The following PECAM1 variants were observed in gnomAD, a reference collection of about 807,000 sequenced individuals.
PECAM1 encodes platelet and endothelial cell adhesion molecule 1.
A neutral mutation model predicts 13.8 loss-of-function variants in PECAM1; 8 were observed. The observed-to-expected ratio is 0.58, with a 90% CI of 0.34 to 1.05. PECAM1 has a LOEUF of 1.05. Ranked by LOEUF, PECAM1 falls within the 50% of genes least tolerant of loss-of-function variation. The pLI, the probability that PECAM1 is intolerant of heterozygous loss-of-function variation, is 0.03. For missense variants in PECAM1, 304 were observed against 141.2 expected (o/e 2.15, Z -5.84); for synonymous variants, 136 against 52.6 (o/e 2.58, Z -6.86).
chr17:64,324,061 A>G, intron 15 of PECAM1: 1 of 811,590 alleles, frequency 1.2e-6, no homozygotes, highest in Non-Finnish European at 2.1e-6. Flanking sequence ...AGAAGACAAC[A>G]TTTCACAGAT....
rs927279285 is a variant in PECAM1, at chr17:64,361,781, A to C, written c.1217-1366T>G. 4.7e-5 allele frequency among the ~76,000 whole-genome samples: 7 copies of C among 149,318 alleles called. No individual in the cohort carries two copies. The East Asian group carries it at 1.2e-3, about 25-fold the overall frequency. On this transcript the variant is annotated intron_variant, in intron 6 of 15. Coordinates refer to ENST00000563924, the MANE Select transcript of PECAM1 (RefSeq NM_000442.5). ...AAAAAAAAAAAAAAAAAAAAGATAA[A>C]AAAAGTCTTCTTAGTGCTTCAGCCT...
chr17:64,346,066 G>C (rs1042123616), intron 13 of PECAM1, among the ~76,000 whole-genome samples: 67 of 152,288 alleles, frequency 4.4e-4, no homozygotes, highest in African/African-American at 1.5e-3. Flanking sequence ...GCACGGCCTG[G>C]AAAACTGCAC....
intron 4 of PECAM1, among the ~76,000 whole-genome samples, chr17:64,371,500 C>T (rs950623888): frequency 6.6e-6 from 1 of 151,902 alleles, no homozygotes; most frequent in Non-Finnish European, 1.5e-5. Flanking sequence ...TGGTGAGACC[C>T]TCCATCTCAA....
chr17:64,346,182 G>A (rs1384341902), intron 13 of PECAM1, among the ~76,000 whole-genome samples: 8 of 152,062 alleles, frequency 5.3e-5, no homozygotes, highest in Non-Finnish European at 1.2e-4. Context: ...AATGATCCCA[G>A]GGAGCTTCCC....
chr17:64,331,203 T>C (rs1379668667), intron 14 of PECAM1, among the ~76,000 whole-genome samples: 1 of 151,186 alleles, frequency 6.6e-6, no homozygotes, highest in Admixed American at 6.6e-5. Flanking sequence ...CACCTTCTTT[T>C]TTTTTTTTTT....
In PECAM1 at chr17:64,322,224, A is replaced by C; in HGVS notation, c.*1592T>G. ...AACGTGGTGAAACCCCATCTCTACT[A>C]AAAATACAAAAATTAGCCAGGCGTG... On this transcript the variant is annotated 3_prime_UTR_variant, in exon 16 of 16. Coordinates refer to ENST00000563924, the MANE Select transcript of PECAM1 (RefSeq NM_000442.5). 2.4e-6 allele frequency: 1 copy of C among 420,020 alleles called. No homozygotes were observed. The highest frequency in any genetic ancestry group is 3.2e-6 in the Non-Finnish European group (1 of 311,394). The allele number at this position is 420,020 out of a possible 1,614,324, so 26.0% of individuals were successfully genotyped here.
chr17:64,384,853 C>T (rs1037351611), intron 2 of PECAM1, among the ~76,000 whole-genome samples: 1 of 152,214 alleles, frequency 6.6e-6, no homozygotes, highest in South Asian at 2.1e-4. Flanking sequence ...AAATATACCA[C>T]GCAACCAAAC....
At chr17:64,345,901 G>A (rs990556682) in intron 13 of PECAM1, among the ~76,000 whole-genome samples, 1 of 151,774 alleles carries the variant, frequency 6.6e-6, no homozygotes, top group African/African-American at 2.4e-5. Flanking sequence ...GCGGCTCTAC[G>A]GGGCATCCCT....
Position 64,321,340 on chromosome 17 carries a change from G to A in PECAM1, c.*2476C>T, listed in dbSNP as rs2034807600. Reference sequence around the variant, plus strand: ...CGGGGTTACGGCAGCTGCCGAGGAAGGCTAAAGCCAGCGTCCTGGATTCAG... The same window carrying A: ...CGGGGTTACGGCAGCTGCCGAGGAAAGCTAAAGCCAGCGTCCTGGATTCAG... On this transcript the variant is annotated 3_prime_UTR_variant, in exon 16 of 16. Coordinates refer to ENST00000563924, the MANE Select transcript of PECAM1 (RefSeq NM_000442.5). 5 of 775,128 alleles carry A rather than the reference G, an allele frequency of 6.5e-6. No individual in the cohort carries two copies. Among genetic ancestry groups the A allele is most frequent in the Non-Finnish European group, 7.8e-6 (5 of 637,988 alleles). 48.0% of individuals were successfully genotyped at this position (775,128 alleles called of 1,614,324 possible).
At chr17:64,327,323 CTCA>C (rs1567999829) in intron 15 of PECAM1, among the ~76,000 whole-genome samples, 1 of 152,220 alleles carries the variant, frequency 6.6e-6, no homozygotes, top group Non-Finnish European at 1.5e-5. Flanking sequence ...GTTGCAGTTG[CTCA>C]TTTCATCCTT....
chr17:64,340,604 T>C (rs944944960), intron 14 of PECAM1, among the ~76,000 whole-genome samples: 4 of 152,144 alleles, frequency 2.6e-5, no homozygotes, highest in Non-Finnish European at 4.4e-5. Flanking sequence ...ATACAGTTAT[T>C]ATACCCCCCC....
intron 14 of PECAM1, among the ~76,000 whole-genome samples, chr17:64,340,771 C>G (rs2035406662): frequency 6.6e-6 from 1 of 152,034 alleles, no homozygotes; most frequent in South Asian, 2.1e-4. Context: ...ATCCGCAAAC[C>G]CACACCCACT....
chr17:64,374,572 T>C (rs2036314944), intron 4 of PECAM1, among the ~76,000 whole-genome samples: 1 of 152,002 alleles, frequency 6.6e-6, no homozygotes, highest in South Asian at 2.1e-4. Flanking sequence ...TCGCCTGACA[T>C]CAGGAGTTTG....
intron 7 of PECAM1, among the ~76,000 whole-genome samples, chr17:64,358,582 C>T (rs1049442701): frequency 6.6e-6 from 1 of 152,112 alleles, no homozygotes; most frequent in African/African-American, 2.4e-5. Context: ...GTCTGACATA[C>T]CCTAAATTAC....
At chr17:64,375,637 C>T (rs1167984962) in intron 3 of PECAM1, among the ~76,000 whole-genome samples, 11 of 149,278 alleles carry the variant, frequency 7.4e-5, no homozygotes, top group African/African-American at 2.5e-5. Context: ...CTGGGCAACA[C>T]GGTGAAATGC....
chr17:64,359,078 G>A (rs911020846), intron 7 of PECAM1, among the ~76,000 whole-genome samples: 1 of 152,108 alleles, frequency 6.6e-6, no homozygotes, highest in Non-Finnish European at 1.5e-5. Context: ...GATTACAGGT[G>A]TGAGCTACCT....
intron 2 of PECAM1, among the ~76,000 whole-genome samples, chr17:64,382,075 G>A (rs2036493696): frequency 6.6e-6 from 1 of 152,022 alleles, no homozygotes; most frequent in African/African-American, 2.4e-5. Context: ...ACTCCAGCCT[G>A]GGAAATAAGA....
intron 13 of PECAM1, among the ~76,000 whole-genome samples, chr17:64,344,571 A>G (rs1163977093): frequency 6.6e-6 from 1 of 151,770 alleles, no homozygotes; most frequent in Non-Finnish European, 1.5e-5. Flanking sequence ...TCAGAGCTGG[A>G]TGTGGTTCCC....
chr17:64,361,334 G>C (rs2035975080), intron 6 of PECAM1, among the ~76,000 whole-genome samples: 1 of 151,836 alleles, frequency 6.6e-6, no homozygotes, highest in East Asian at 2.0e-4. Context: ...TTAGTAGAGA[G>C]GGGGTTTCAC....
Sources: gnomAD v4.1 joint callset for allele counts (sites outside exome capture counted in the v4.1 genomes callset) on GRCh38, gnomAD v4.1.1 for gene constraint, MANE v1.5 for transcripts, NCBI Gene and HGNC (gene_info 2026-07-23, HGNC 2026-07-21) for gene names.